IQCB1: variants seen among roughly 807,000 people sequenced by gnomAD.
IQCB1 encodes IQ motif containing B1, also known as IQ calmodulin-binding motif-containing protein 1.
IQCB1 carries 56 observed loss-of-function variants against 84.4 expected under a neutral mutation model. The observed-to-expected ratio is 0.66, with a 90% confidence interval of 0.54 to 0.83. The LOEUF (loss-of-function observed/expected upper bound fraction) is 0.83. Ranked by LOEUF, IQCB1 falls within the 40% of genes least tolerant of loss-of-function variation. IQCB1 has a pLI of 0.00. For missense variants in IQCB1, 629 were observed against 682.1 expected (o/e 0.92, Z 0.87); for synonymous variants, 210 against 234.8 (o/e 0.89, Z 0.96).
chr3:121,830,067 G>A (rs1950582859), intron 2 of IQCB1, among the ~76,000 whole-genome samples: 1 of 152,014 alleles, frequency 6.6e-6, no homozygotes, highest in Non-Finnish European at 1.5e-5. Context: ...AATCAGCTGG[G>A]CATGGTGGCG....
chr3:121,806,646 C>T (rs1949608762), intron 7 of IQCB1, among the ~76,000 whole-genome samples: 1 of 152,056 alleles, frequency 6.6e-6, no homozygotes, highest in Non-Finnish European at 1.5e-5. Flanking sequence ...ATTACCTTCT[C>T]CAGGAAGCAC....
intron 11 of IQCB1, 119 bp from the exon 12 acceptor site, chr3:121,788,551 T>G: frequency 9.8e-7 from 1 of 1,016,520 alleles, no homozygotes; most frequent in Non-Finnish European, 1.5e-6. Context: ...TATTGTTCAC[T>G]AATTTTCCCA....
intron 13 of IQCB1, among the ~76,000 whole-genome samples, chr3:121,774,070 C>G (rs1233816401): frequency 7.3e-6 from 1 of 137,782 alleles, no homozygotes; most frequent in African/African-American, 2.7e-5. Flanking sequence ...AAAAAACAAC[C>G]TGATTAAAAA....
intron 2 of IQCB1, among the ~76,000 whole-genome samples, chr3:121,829,309 CAAG>C (rs763499216): frequency 3.2e-4 from 49 of 152,270 alleles, no homozygotes; most frequent in Admixed American, 1.4e-3. Flanking sequence ...TTTAATCACA[CAAG>C]AAGAACTGCA....
Position 121,788,335 on chromosome 3 carries a change from T to C in IQCB1, c.1227A>G (p.Gln409=), listed in dbSNP as rs1948819358. 1.2e-6 allele frequency: 2 copies of C among 1,613,966 alleles called. No homozygotes were observed. Among genetic ancestry groups the C allele is most frequent in the Non-Finnish European group, 1.7e-6 (2 of 1,179,944 alleles). ...RGYRERKNFH[Q]QRQSLIEYKA... is the part of the protein sequence containing the mutation. ...TATACTCTATGAGAGACTGCCTCTG[T>C]TGGTGAAAATTTTTCCTTTCCCTGT... Residue 409 remains glutamine, a synonymous_variant, in exon 12 of 15, where the codon CAA becomes CAG. Coordinates refer to ENST00000310864, the MANE Select transcript of IQCB1 (RefSeq NM_001023570.4).
At chr3:121,823,713 A>G (rs894139937) in intron 5 of IQCB1, among the ~76,000 whole-genome samples, 8 of 152,226 alleles carry the variant, frequency 5.3e-5, no homozygotes, top group Non-Finnish European at 1.0e-4. Flanking sequence ...AGATATGCTA[A>G]AGGAGGTTGT....
chr3:121,775,113 G>A (rs1948169739), intron 13 of IQCB1, among the ~76,000 whole-genome samples: 1 of 152,124 alleles, frequency 6.6e-6, no homozygotes, highest in Non-Finnish European at 1.5e-5. Flanking sequence ...GTTTGTTGGA[G>A]AGGAGGCATG....
chr3:121,781,974 T>G, intron 12 of IQCB1, 100 bp from the exon 13 acceptor site: 2 of 1,204,362 alleles, frequency 1.7e-6, no homozygotes, highest in South Asian at 1.2e-5. Context: ...GCAATAATGA[T>G]TAACTCTGAG....
At chr3:121,792,514 T>A (rs1327042469) in intron 10 of IQCB1, among the ~76,000 whole-genome samples, 3 of 143,426 alleles carry the variant, frequency 2.1e-5, no homozygotes, top group Non-Finnish European at 4.6e-5. Context: ...ACAAAAAAAT[T>A]AGCCGGGCGT....
rs534870987 is a variant in IQCB1 at position 121,806,495 on chromosome 3, T to G, written c.587+849A>C. 5.9e-5 allele frequency among the ~76,000 whole-genome samples: 9 copies of G among 152,212 alleles called. No homozygotes were observed. In the South Asian group the frequency reaches 6.2e-4, roughly 11 times the overall value. On this transcript the variant is annotated intron_variant, in intron 7 of 14. Coordinates refer to ENST00000310864, the MANE Select transcript of IQCB1 (RefSeq NM_001023570.4). The stretch of plus-strand genomic sequence containing the variant: ...TATATGGAACTTTATATCCCAACAA[T>G]AATGAATTTGTACCTACTTTTCATC...
chr3:121,811,696 A>T (rs1949837032), intron 5 of IQCB1, among the ~76,000 whole-genome samples: 1 of 152,174 alleles, frequency 6.6e-6, no homozygotes. Context: ...ACAGCAAGGC[A>T]GCTGTGGCCA....
intron 5 of IQCB1, among the ~76,000 whole-genome samples, chr3:121,816,218 C>A (rs546229290): frequency 2.6e-5 from 4 of 151,894 alleles, no homozygotes; most frequent in Non-Finnish European, 5.9e-5. Flanking sequence ...GCTAGCCATA[C>A]GCAGAAAACT....
intron 12 of IQCB1, among the ~76,000 whole-genome samples, chr3:121,783,666 C>T (rs957831833): frequency 1.3e-5 from 2 of 152,118 alleles, no homozygotes; most frequent in African/African-American, 2.4e-5. Flanking sequence ...CACATTTTCT[C>T]GAGCTTCCTG....
At chr3:121,820,387 A>G (rs980369465) in intron 5 of IQCB1, among the ~76,000 whole-genome samples, 1 of 152,176 alleles carries the variant, frequency 6.6e-6, no homozygotes, top group Non-Finnish European at 1.5e-5. Context: ...CAATTTGCCC[A>G]AATACATTGC....
intron 12 of IQCB1, among the ~76,000 whole-genome samples, chr3:121,787,049 G>C (rs930914151): frequency 6.6e-6 from 1 of 152,186 alleles, no homozygotes; most frequent in Non-Finnish European, 1.5e-5. Flanking sequence ...AAAATCAGGA[G>C]TACGTGTGAT....
intron 8 of IQCB1, 151 bp downstream of exon 8, chr3:121,799,045 C>CTTTTTTTTTTTTTTTTTTTTTTTTTTTT: frequency 1.8e-6 from 1 of 564,264 alleles, no homozygotes. Flanking sequence ...TATATAAAGA[C>CTTTTTTTTTTTTTTTTTTTTTTTTTTTT]TTTTTTTTTT....
At chr3:121,831,788 C>A (rs1576624822) in intron 2 of IQCB1, among the ~76,000 whole-genome samples, 1 of 152,242 alleles carries the variant, frequency 6.6e-6, no homozygotes, top group Middle Eastern at 3.4e-3. Context: ...TTATTAGGTA[C>A]AATATAAATC....
At position 121,812,361 on chromosome 3, in the gene IQCB1, C is replaced by T. The variant is rs555747556; in HGVS notation, c.394-3352G>A. 3.6e-4 allele frequency among the ~76,000 whole-genome samples: 55 copies of T among 152,292 alleles called. 1 individual carries two copies. In the South Asian group the frequency reaches 0.011, roughly 31 times the overall value. ...GAACATTCCAAAAACCAGAACGCCT[C>T]TTCTCCACCAAATGATCGCGATTCC... is the stretch of plus-strand genomic sequence containing the variant. On this transcript the variant is annotated intron_variant, in intron 5 of 14. Coordinates refer to ENST00000310864, the MANE Select transcript of IQCB1 (RefSeq NM_001023570.4).
At chr3:121,797,647 T>C (rs1053376897) in intron 8 of IQCB1, among the ~76,000 whole-genome samples, 2 of 152,112 alleles carry the variant, frequency 1.3e-5, no homozygotes, top group East Asian at 1.9e-4. Context: ...GAAGCACTTA[T>C]GCAGATTATT....
Sources: gnomAD v4.1 joint callset for allele counts (sites outside exome capture counted in the v4.1 genomes callset) on GRCh38, gnomAD v4.1.1 for gene constraint, MANE v1.5 for transcripts, NCBI Gene and HGNC (gene_info 2026-07-23, HGNC 2026-07-21) for gene names.